ZNF8: variants seen among roughly 807,000 people sequenced by gnomAD.
ZNF8 encodes zinc finger protein 8, also known as zinc finger protein 272.
In ZNF8, 9 loss-of-function variants were observed where a neutral mutation model predicts 12.2. The observed-to-expected ratio is 0.73, with a 90% confidence interval of 0.44 to 1.28. The LOEUF (loss-of-function observed/expected upper bound fraction) is 1.28, where lower values mean the gene tolerates loss of function less well. Ranked by LOEUF, ZNF8 falls within the 50% of genes most tolerant of loss-of-function variation. ZNF8 has a pLI of 0.00. For synonymous variants in ZNF8, 274 were observed against 282.3 expected (o/e 0.97, Z 0.30); for missense variants, 664 against 729.1 (o/e 0.91, Z 1.03).
At chr19:58,292,965 T>G (rs80057739) in intron 3 of ZNF8, among the ~76,000 whole-genome samples, 1 of 151,582 alleles carries the variant, frequency 6.6e-6, no homozygotes, top group African/African-American at 2.4e-5. Context: ...TTTTTTTTTT[T>G]GAGACAGAGT....
chr19:58,285,604 C>A, intron 1 of ZNF8, 113 bp from the exon 2 acceptor site: 2 of 1,457,648 alleles, frequency 1.4e-6, no homozygotes, highest in Non-Finnish European at 1.9e-6. Flanking sequence ...TCATTCATAA[C>A]GTGCAGTCTC....
chr19:58,287,963 C>G (rs2051394680), intron 3 of ZNF8, among the ~76,000 whole-genome samples: 1 of 146,600 alleles, frequency 6.8e-6, no homozygotes, highest in African/African-American at 2.5e-5. Flanking sequence ...CCTCAACCTC[C>G]TAAGTGCTGG....
At chr19:58,279,586 C>T (rs2051333503) in intron 1 of ZNF8, 2 of 1,533,028 alleles carry the variant, frequency 1.3e-6, no homozygotes, top group Non-Finnish European at 1.7e-6. Flanking sequence ...AGCGGACACC[C>T]ACCGGGACCC....
At chr19:58,281,872 A>C (rs1483160588) in intron 1 of ZNF8, among the ~76,000 whole-genome samples, 1 of 152,066 alleles carries the variant, frequency 6.6e-6, no homozygotes, top group African/African-American at 2.4e-5. Context: ...CAGCACTTTG[A>C]GAGGCCACAG....
intron 3 of ZNF8, among the ~76,000 whole-genome samples, chr19:58,289,572 G>C (rs1417549707): frequency 5.9e-5 from 9 of 151,802 alleles, no homozygotes; most frequent in African/African-American, 1.9e-4. Context: ...TGGTTCATCA[G>C]GGCTAGTTCC....
chr19:58,279,859 T>A, intron 1 of ZNF8: 1 of 1,281,400 alleles, frequency 7.8e-7, no homozygotes, highest in Non-Finnish European at 1.0e-6. Context: ...TTCCTCAAGC[T>A]CTGCAACTTT....
Position 58,302,527 on chromosome 19 carries a change from C to T in ZNF8, c.*6991C>T, listed in dbSNP as rs2051497120. 6.6e-6 allele frequency: 1 copy of T among 152,180 alleles called. No homozygotes were observed. Among genetic ancestry groups the T allele is most frequent in the African/African-American group, 2.4e-5 (1 of 41,438 alleles). The allele number at this position is 152,180 out of a possible 1,614,324, so 9.4% of individuals were successfully genotyped here. On this transcript the variant is annotated 3_prime_UTR_variant, in exon 4 of 4. Transcript: ENST00000621650. ...CTAGTTGTCTTGTAACATGTGCTTA[C>T]TCTATTTTGAGGATTTTCTCTATGA...
chr19:58,280,270 C>T (rs8105906), intron 1 of ZNF8: 11,290 of 200,420 alleles, frequency 0.056, 512 homozygotes, highest in African/African-American at 0.12. Context: ...GGATCCACCT[C>T]CAGGATGGCT....
intron 3 of ZNF8, among the ~76,000 whole-genome samples, chr19:58,291,134 C>T (rs1178459365): frequency 2.6e-5 from 4 of 152,182 alleles, no homozygotes; most frequent in Admixed American, 6.5e-5. Flanking sequence ...GATCTCAAGC[C>T]CCTCCTTGGC....
At chr19:58,286,552 T>C (rs764791685) in intron 3 of ZNF8, 80 of 214,156 alleles carry the variant, frequency 3.7e-4, no homozygotes, top group Admixed American at 3.0e-3. Context: ...CTAGGAGTTT[T>C]GACTGAGGCT....
At chr19:58,286,394 G>T in intron 3 of ZNF8, 189 bp downstream of exon 3, 1 of 523,680 alleles carries the variant, frequency 1.9e-6, no homozygotes, top group Non-Finnish European at 3.4e-6. Flanking sequence ...AAAGGCGCGT[G>T]GGGATAAGTT....
rs544185313 is a variant in ZNF8 at position 58,279,319 on chromosome 19, G to T, written c.66+172G>T. ...GGTGACCGTCCTGGCTGGTCAGAGA[G>T]GGGGCCGGGATTCCAACCAGGCGCC... On this transcript the variant is annotated intron_variant, in intron 1 of 3. Transcript: ENST00000621650. 6.7e-6 allele frequency: 10 copies of T among 1,489,748 alleles called. No homozygotes were observed. The South Asian group carries it at 1.1e-4, about 17-fold the overall frequency. 92.3% of individuals were successfully genotyped at this position (1,489,748 alleles called of 1,614,324 possible). A position where few individuals can be genotyped will look rare whatever the true frequency, so the allele number is the denominator to read the frequency against.
chr19:58,279,039 C>G lies in ZNF8; in HGVS notation c.-43C>G. 7.2e-7 allele frequency: 1 copy of G among 1,395,042 alleles called. No individual in the cohort carries two copies. Among genetic ancestry groups the G allele is most frequent in the East Asian group, 2.8e-5 (1 of 35,406 alleles). 86.4% of individuals were successfully genotyped at this position (1,395,042 alleles called of 1,614,324 possible). On this transcript the variant is annotated 5_prime_UTR_variant, in exon 1 of 4. Transcript: ENST00000621650. ...CCTTTGGCTGGAGTGCCTCTCTGGT[C>G]TGGGGATCACCTCAGGCGCTGTCCT...
chr19:58,285,161 T>TG (rs1256821830), intron 1 of ZNF8, among the ~76,000 whole-genome samples: 1 of 151,376 alleles, frequency 6.6e-6, no homozygotes, highest in Non-Finnish European at 1.5e-5. Context: ...TTTTTTGTTT[T>TG]TTTTTTTTGA....
intron 1 of ZNF8, among the ~76,000 whole-genome samples, chr19:58,280,824 T>A (rs260498): frequency 0.63 from 96,285 of 152,046 alleles, 30,759 homozygotes; most frequent in Middle Eastern, 0.71. Flanking sequence ...GACCTTCTAT[T>A]CCTTGCCTCA....
intron 1 of ZNF8, chr19:58,279,542 A>G: frequency 6.6e-7 from 1 of 1,513,424 alleles, no homozygotes; most frequent in Admixed American, 2.1e-5. Context: ...GATGGCAAGA[A>G]TCATCGAATA....
Position 58,294,626 on chromosome 19 carries a change from C to T in ZNF8, c.818C>T (p.Thr273Ile), listed in dbSNP as rs769973223. 3.7e-5 allele frequency: 60 copies of T among 1,614,038 alleles called. No homozygotes were observed. In the Admixed American group the frequency reaches 1.0e-3, roughly 27 times the overall value. Residue 273 changes from threonine (T) to isoleucine (I), a missense_variant, in exon 4 of 4, where the codon ACC (threonine) becomes ATC (isoleucine). By Grantham distance (89) the Thr-to-Ile change is moderately conservative. This residue lies in a region of ZNF8 where 133 missense variants were observed against 198.4 expected (regional missense o/e 0.67). Transcript: ENST00000621650. This position sits in a 1 kb window ranked among gnomAD's most constrained non-coding sequence, Gnocchi z 5.5. The part of the protein sequence containing the change: ...GKSFNHNAHL[T>I]VHKRIHTGER... ...TCGTTTAACCATAACGCACACCTCA[C>T]CGTGCACAAGAGGATTCATACGGGA... is the stretch of plus-strand genomic sequence containing the variant.
chr19:58,278,960 C>A lies in ZNF8; in HGVS notation c.-122C>A. 8.3e-7 allele frequency: 1 copy of A among 1,211,934 alleles called. No individual in the cohort carries two copies. 75.1% of individuals were successfully genotyped at this position (1,211,934 alleles called of 1,614,324 possible). ...CGCACGGCCTACTGGGAGTTGTAGT[C>A]GCCGCGTCGCCGGTGCGGCCGCCAT... is the stretch of plus-strand genomic sequence containing the variant. On this transcript the variant is annotated 5_prime_UTR_variant, in exon 1 of 4. Coordinates refer to ENST00000621650, the MANE Select transcript of ZNF8 (RefSeq NM_021089.3).
At position 58,295,070 on chromosome 19, in the gene ZNF8, G is replaced by C. The variant is rs1244917045; in HGVS notation, c.1262G>C (p.Gly421Ala). ...SLAQHQRKHA[G>A]EKPFECRQRL... ...GCCCAGCACCAGCGGAAGCACGCGG[G>C]GGAGAAGCCCTTTGAGTGCCGCCAG... Residue 421 changes from glycine (G) to alanine (A), a missense_variant, in exon 4 of 4, where the codon GGG (glycine) becomes GCG (alanine). By Grantham distance (60) the Gly-to-Ala change is moderately conservative. Around this residue, in one of 3 missense-constraint regions of ZNF8, gnomAD observed 225 missense variants for 222.0 expected, o/e 1.01. Transcript: ENST00000621650. 6.2e-7 allele frequency: 1 copy of C among 1,614,090 alleles called. No homozygotes were observed. Among genetic ancestry groups the C allele is most frequent in the Non-Finnish European group, 8.5e-7 (1 of 1,180,000 alleles).
Sources: allele counts gnomAD v4.1 joint callset (sites outside exome capture counted in the v4.1 genomes callset), GRCh38; gene constraint gnomAD v4.1.1; regional missense constraint gnomAD v4.1.1; non-coding constraint Gnocchi (gnomAD v3.1); transcripts MANE v1.5; gene names NCBI Gene and HGNC (gene_info 2026-07-23, HGNC 2026-07-21).